MACF1: variants seen among roughly 807,000 people sequenced by gnomAD.
MACF1 encodes the protein microtubule actin crosslinking factor 1, also known as microtubule-actin cross-linking factor 1.
MACF1 carries 193 observed loss-of-function variants against 854.8 expected under a neutral mutation model. That is an observed-to-expected ratio of 0.23 (90% confidence interval 0.20 to 0.25). MACF1 has a LOEUF of 0.25. MACF1 is among the 10% of genes least tolerant of loss of function. The pLI is 1.00. For missense variants in MACF1, 7,722 were observed against 8,929.1 expected (o/e 0.86, Z 5.45); for synonymous variants, 3,185 against 3,226.7 (o/e 0.99, Z 0.44).
At position 39,114,648 on chromosome 1, in the gene MACF1, A is replaced by G. The variant is rs193287355; in HGVS notation, c.220+30210A>G. On this transcript the variant is annotated intron_variant, in intron 2 of 93. Coordinates refer to the MACF1 transcript ENST00000361689. ...ATTAATAAGTATTTATTGAATGTCT[A>G]CCATGAACCAGGGAGTAGGTGATGT... 2.9e-4 allele frequency among the ~76,000 whole-genome samples: 44 copies of G among 152,344 alleles called. No homozygotes were observed. The East Asian group carries it at 3.9e-3, about 13-fold the overall frequency.
At chr1:39,444,539 A>G in intron 79 of MACF1, 123 bp from the exon 80 acceptor site, 1 of 751,536 alleles carries the variant, frequency 1.3e-6, no homozygotes, top group Non-Finnish European at 2.1e-6. Context: ...ACTGAATCCA[A>G]AAGAATGGCT....
chr1:39,335,448 T>C lies in MACF1; in HGVS notation c.8860T>C (p.Ser2954Pro). The change falls in exon 37 of 101, where the codon TCA (serine) becomes CCA (proline). Residue 2954 changes from serine (S) to proline (P), a missense_variant. This residue lies in a region of MACF1 where 854 missense variants were observed against 852.6 expected (regional missense o/e 1.00). Transcript: ENST00000564288. The part of the protein sequence containing the change: ...LEVQETYCET[S>P]GKLPSEQVLQ... ...AGTACAAGAAACATATTGTGAAACG[T>C]CAGGCAAATTGCCGAGTGAGCAGGT... 6.2e-7 allele frequency: 1 copy of C among 1,614,208 alleles called. No homozygotes were observed. The highest frequency in any genetic ancestry group is 8.5e-7 in the Non-Finnish European group (1 of 1,180,026).
chr1:39,085,568 AC>A (rs1209189680), intron 2 of MACF1, among the ~76,000 whole-genome samples: 1 of 152,168 alleles, frequency 6.6e-6, no homozygotes, highest in East Asian at 1.9e-4. Context: ...ACCATCCTCC[AC>A]GTGACTAATA....
intron 68 of MACF1, 69 bp from the exon 69 acceptor site, chr1:39,434,343 TAC>T (rs1643926221): frequency 5.0e-6 from 4 of 794,484 alleles, no homozygotes; most frequent in Non-Finnish European, 8.1e-6. Context: ...AATGTATATA[TAC>T]CTACTTTTTT....
At chr1:39,365,864 C>T (rs1041970839) in intron 49 of MACF1, among the ~76,000 whole-genome samples, 1 of 151,698 alleles carries the variant, frequency 6.6e-6, no homozygotes, top group Admixed American at 6.6e-5. Flanking sequence ...TTAGCAGAGA[C>T]GGGGTTTCAC....
intron 2 of MACF1, among the ~76,000 whole-genome samples, chr1:39,181,208 A>G (rs760716428): frequency 3.3e-5 from 5 of 152,222 alleles, no homozygotes; most frequent in African/African-American, 7.2e-5. Flanking sequence ...GCGCTGGGCC[A>G]GTAATCAGTA....
chr1:39,140,736 G>A (rs1571091836), intron 2 of MACF1, among the ~76,000 whole-genome samples: 1 of 152,016 alleles, frequency 6.6e-6, no homozygotes, highest in East Asian at 1.9e-4. Flanking sequence ...CCAACATGGT[G>A]AAACCCCGTC....
Position 39,357,472 on chromosome 1 carries a change from C to T in MACF1, c.11522C>T (p.Pro3841Leu). Residue 3841 changes from proline to leucine, a missense_variant, in exon 45 of 101, where the codon CCT becomes CTT. By Grantham distance (98) the Pro-to-Leu change is moderately conservative. This residue lies in a region of MACF1 where 2,807 missense variants were observed against 3,235.8 expected (regional missense o/e 0.87). Transcript: ENST00000564288. ...GATCAGCATGGCCACAATCTCACACCTGAGGAGCAACAGATGCTGCAACAG... is the reference window on the plus strand; with the variant it reads ...GATCAGCATGGCCACAATCTCACACTTGAGGAGCAACAGATGCTGCAACAG... Reference protein sequence around the residue: ...FLDQHGHNLTPEEQQMLQQKL... With the variant: ...FLDQHGHNLTLEEQQMLQQKL... 1 of 1,614,148 alleles carries T rather than the reference C, an allele frequency of 6.2e-7. No individual in the cohort carries two copies. The highest frequency in any genetic ancestry group is 8.5e-7 in the Non-Finnish European group (1 of 1,180,032).
At chr1:39,439,681 C>T (rs1644059284) in intron 72 of MACF1, among the ~76,000 whole-genome samples, 181 bp downstream of exon 72, 2 of 152,236 alleles carry the variant, frequency 1.3e-5, no homozygotes, top group South Asian at 2.1e-4. Context: ...TCTTGACTCA[C>T]TGCAACCTCC....
chr1:39,199,267 G>T (rs934760407), intron 2 of MACF1, among the ~76,000 whole-genome samples: 4 of 151,916 alleles, frequency 2.6e-5, no homozygotes, highest in African/African-American at 9.7e-5. Context: ...TTACAGGCGT[G>T]AGCCACTGTG....
intron 2 of MACF1, among the ~76,000 whole-genome samples, chr1:39,131,266 C>T (rs897119021): frequency 3.9e-4 from 56 of 145,056 alleles, no homozygotes; most frequent in African/African-American, 4.6e-4. Flanking sequence ...TGGGCTAAAG[C>T]GATCCTCCTG....
Position 39,105,437 on chromosome 1 carries a change from G to C in MACF1, c.220+20999G>C, listed in dbSNP as rs953754793. The C allele has an allele frequency of 1.0e-5, 10 of 994,128 alleles. No individual in the cohort carries two copies. The Admixed American group carries it at 2.5e-4, about 25-fold the overall frequency. 61.6% of individuals were successfully genotyped at this position (994,128 alleles called of 1,614,324 possible). On this transcript the variant is annotated intron_variant, in intron 2 of 93. Coordinates refer to the MACF1 transcript ENST00000361689. This position sits in a 1 kb window ranked among gnomAD's most constrained non-coding sequence, Gnocchi z 5.9. ...GACCGGCGGAGCGCGAGCGGGCCGG[G>C]TGCGAGCGGACTGAGGAGCGGAGCG...
chr1:39,276,934 T>C (rs1056976888), intron 6 of MACF1, among the ~76,000 whole-genome samples: 6 of 152,196 alleles, frequency 3.9e-5, no homozygotes, highest in Non-Finnish European at 7.4e-5. Context: ...ATCATTTTTT[T>C]GTAGAGATCA....
Position 39,335,763 on chromosome 1 carries a change from G to A in MACF1, c.9175G>A (p.Asp3059Asn). The change falls in exon 37 of 101, where the codon GAT becomes AAT. Residue 3059 changes from aspartate (D) to asparagine (N), a missense_variant. Physicochemically the swap from Asp to Asn is conservative, Grantham distance 23 (BLOSUM62 1). Transcript: ENST00000564288. Reference sequence around the variant, plus strand: ...TCAAGGAATTTCTGTAAAACATTTAGATGCTTTAACACTCTTCAGCTCTAA... The same window carrying A: ...TCAAGGAATTTCTGTAAAACATTTAAATGCTTTAACACTCTTCAGCTCTAA... ...VPQGISVKHL[D>N]ALTLFSSKQA... 1 of 1,614,056 alleles carries A rather than the reference G, an allele frequency of 6.2e-7. No homozygotes were observed. Among genetic ancestry groups the A allele is most frequent in the African/African-American group, 1.3e-5 (1 of 75,042 alleles).
At chr1:39,314,877 T>G (rs1306775163) in intron 26 of MACF1, among the ~76,000 whole-genome samples, 2 of 152,210 alleles carry the variant, frequency 1.3e-5, no homozygotes, top group African/African-American at 4.8e-5. Flanking sequence ...TATCTATAGT[T>G]CGAATACTGA....
chr1:39,303,209 T>C (rs906920928), intron 23 of MACF1, 131 bp downstream of exon 23: 6 of 1,031,668 alleles, frequency 5.8e-6, no homozygotes, highest in East Asian at 5.3e-5. Context: ...AGGCTTCTCA[T>C]TGGAGATATC....
chr1:39,455,610 GA>G (rs1322141254), intron 89 of MACF1, among the ~76,000 whole-genome samples: 1 of 152,116 alleles, frequency 6.6e-6, no homozygotes, highest in Non-Finnish European at 1.5e-5. Context: ...AAGGGAGGGG[GA>G]TTACATAGAG....
At chr1:39,280,208 T>C (rs532324836) in intron 6 of MACF1, among the ~76,000 whole-genome samples, 1 of 152,208 alleles carries the variant, frequency 6.6e-6, no homozygotes, top group African/African-American at 2.4e-5. Context: ...CCCAAAATAC[T>C]TTTATTTGCT....
chr1:39,124,224 G>A (rs1051389768), intron 2 of MACF1, among the ~76,000 whole-genome samples: 1 of 152,080 alleles, frequency 6.6e-6, no homozygotes, highest in Non-Finnish European at 1.5e-5. Context: ...GCCCGTTAAA[G>A]TTTGAGAAGC....
Sources: allele counts gnomAD v4.1 joint callset (sites outside exome capture counted in the v4.1 genomes callset), GRCh38; gene constraint gnomAD v4.1.1; regional missense constraint gnomAD v4.1.1; non-coding constraint Gnocchi (gnomAD v3.1); transcripts MANE v1.5; gene names NCBI Gene and HGNC (gene_info 2026-07-23, HGNC 2026-07-21).